Variants in CBFA2T3 observed in about 807,000 individuals in gnomAD.
The protein encoded by CBFA2T3 is transcriptional corepressor CBFA2T3.
CBFA2T3 carries 31 observed loss-of-function variants against 58.6 expected under a neutral mutation model. The observed-to-expected ratio is 0.53, with a 90% confidence interval of 0.40 to 0.71. The LOEUF is 0.71. Among genes scored for constraint, CBFA2T3 ranks in the 30% least tolerant of loss-of-function variants. The pLI is 0.00. For synonymous variants in CBFA2T3, 531 were observed against 421.9 expected, an observed-to-expected ratio of 1.26 and a Z score of -3.17; for missense variants, 1,076 against 963.1, an observed-to-expected ratio of 1.12 and a Z score of -1.55.
At chr16:88,916,363 T>C (rs1358754634) in intron 1 of CBFA2T3, among the ~76,000 whole-genome samples, 2 of 152,054 alleles carry the variant, frequency 1.3e-5, no homozygotes, top group Non-Finnish European at 2.9e-5. Context: ...TCCGTGTATA[T>C]GCACTTACAC....
At chr16:88,879,530 G>A (rs1215015615) in intron 10 of CBFA2T3, 70 bp from the exon 11 acceptor site, 45 of 1,431,562 alleles carry the variant, frequency 3.1e-5, no homozygotes, top group South Asian at 7.3e-5. Context: ...CTTCCTACGC[G>A]TGGCCACAAC....
At chr16:88,910,354 C>T (rs556189150) in intron 1 of CBFA2T3, among the ~76,000 whole-genome samples, 46 of 152,348 alleles carry the variant, frequency 3.0e-4, no homozygotes, top group African/African-American at 8.2e-4. Context: ...CCCGCCTGTC[C>T]TGCTCCTTCT....
At chr16:88,974,447 C>T (rs947985236) in intron 1 of CBFA2T3, among the ~76,000 whole-genome samples, 1 of 152,048 alleles carries the variant, frequency 6.6e-6, no homozygotes, top group Non-Finnish European at 1.5e-5. Flanking sequence ...TGATTGCTTA[C>T]ACCTCAGCCC....
chr16:88,954,136 A>C (rs1356814106), intron 1 of CBFA2T3, among the ~76,000 whole-genome samples: 1 of 152,084 alleles, frequency 6.6e-6, no homozygotes, highest in African/African-American at 2.4e-5. Context: ...ACCACTGACC[A>C]AGATAGCCCT....
chr16:88,976,839 G>T lies in CBFA2T3; in HGVS notation c.-32C>A, dbSNP rs200904066. 1.8e-4 allele frequency: 284 copies of T among 1,535,564 alleles called. No individual in the cohort carries two copies. The East Asian group carries it at 6.8e-3, about 37-fold the overall frequency. On this transcript the variant is annotated 5_prime_UTR_variant, in exon 1 of 12. Transcript: ENST00000268679. ...GGCCACCCTCAGGGGCCAACCTGGA[G>T]CCCAGGACAGGCCTCTACCAGGACT...
At chr16:88,911,100 G>A (rs879529900) in intron 1 of CBFA2T3, among the ~76,000 whole-genome samples, 1 of 152,256 alleles carries the variant, frequency 6.6e-6, no homozygotes, top group East Asian at 1.9e-4. Flanking sequence ...GGGACAAGGA[G>A]CCAAGTCCTA....
chr16:88,945,139 G>C (rs753628783), intron 1 of CBFA2T3, among the ~76,000 whole-genome samples: 1 of 152,112 alleles, frequency 6.6e-6, no homozygotes, highest in African/African-American at 2.4e-5. Flanking sequence ...AAAAATAAGC[G>C]GGTGGCTAAT....
intron 1 of CBFA2T3, among the ~76,000 whole-genome samples, chr16:88,916,629 C>T (rs530215732): frequency 9.8e-6 from 1 of 102,338 alleles, no homozygotes; most frequent in Non-Finnish European, 1.9e-5. Context: ...AAGGGCGGCC[C>T]CTGGGGAGAG....
intron 1 of CBFA2T3, among the ~76,000 whole-genome samples, chr16:88,973,086 G>C (rs1268110438): frequency 6.6e-6 from 1 of 152,218 alleles, no homozygotes; most frequent in Non-Finnish European, 1.5e-5. Flanking sequence ...TGAAGGAGGA[G>C]TCGGGCTGAG....
chr16:88,901,290 G>A (rs952451122), intron 2 of CBFA2T3, among the ~76,000 whole-genome samples: 1 of 152,210 alleles, frequency 6.6e-6, no homozygotes, highest in Non-Finnish European at 1.5e-5. Flanking sequence ...CAGGCCCCCC[G>A]GAGGGCAAGG....
chr16:88,945,309 C>T (rs981618137), intron 1 of CBFA2T3, among the ~76,000 whole-genome samples: 2 of 152,108 alleles, frequency 1.3e-5, no homozygotes, highest in Non-Finnish European at 2.9e-5. Flanking sequence ...AAAAATTTGG[C>T]AGGTTGGATT....
intron 1 of CBFA2T3, among the ~76,000 whole-genome samples, chr16:88,954,244 G>A (rs75416198): frequency 0.048 from 7,357 of 152,142 alleles, 205 homozygotes; most frequent in South Asian, 0.11. Context: ...ATGATAGGCC[G>A]GCCACCCATC....
chr16:88,875,593 C>T lies in CBFA2T3; in HGVS notation c.*1383G>A, dbSNP rs1379215202. 3.5e-5 allele frequency: 8 copies of T among 231,712 alleles called. No individual in the cohort carries two copies. The South Asian group carries it at 5.5e-4, about 16-fold the overall frequency. 14.4% of individuals were successfully genotyped at this position (231,712 alleles called of 1,614,324 possible). A position where few individuals can be genotyped will look rare whatever the true frequency, so the allele number is the denominator to read the frequency against. On this transcript the variant is annotated 3_prime_UTR_variant, in exon 12 of 12. Transcript: ENST00000268679. ...TGGGGCCGAGAGGTTGGAGTTGGGG[C>T]GATGGGGCTGAGAGAGGTCGGAGCT... is the stretch of plus-strand genomic sequence containing the variant.
chr16:88,877,031 G>C lies in CBFA2T3; in HGVS notation c.1907C>G (p.Pro636Arg). Residue 636 changes from proline (P) to arginine (R), a missense_variant, in exon 12 of 12, where the codon CCT becomes CGT. Physicochemically the swap from Pro to Arg is moderately radical, Grantham distance 103. Transcript: ENST00000268679. The stretch of plus-strand genomic sequence containing the variant: ...TGGGCTGGGGGAGCCGGGGCGAGAA[G>C]GCCCCGCAGAGCCGGCTTCGCTGGG... ...ASPSEAGSAG[P>R]SRPGSPSPPG... The C allele has an allele frequency of 6.7e-7, 1 of 1,496,826 alleles. No homozygotes were observed. The highest frequency in any genetic ancestry group is 2.5e-5 in the East Asian group (1 of 39,756). 92.7% of individuals were successfully genotyped at this position (1,496,826 alleles called of 1,614,324 possible).
At position 88,958,675 on chromosome 16, in the gene CBFA2T3, G is replaced by A. The variant is rs1351950220; in HGVS notation, c.151+17982C>T. 6.6e-6 allele frequency among the ~76,000 whole-genome samples: 1 copy of A among 152,088 alleles called. No homozygotes were observed. Among genetic ancestry groups the A allele is most frequent in the Non-Finnish European group, 1.5e-5 (1 of 67,992 alleles). On this transcript the variant is annotated intron_variant, in intron 1 of 11. Transcript: ENST00000268679. The surrounding 1 kb of genome is among the most constrained non-coding windows in gnomAD (Gnocchi z 4.0). ...ACTACCTTTGGAGGGAGACAAACTC[G>A]CTCCCCCAGGGCCGGGGGCTGGGGG... is the stretch of plus-strand genomic sequence containing the variant.
chr16:88,965,068 CATCT>C (rs942536977), intron 1 of CBFA2T3, among the ~76,000 whole-genome samples: 2 of 151,506 alleles, frequency 1.3e-5, no homozygotes, highest in Non-Finnish European at 2.9e-5. Flanking sequence ...CCCATCCATC[CATCT>C]ATCCACCCAC....
At chr16:88,889,885 G>A (rs1597675560) in intron 5 of CBFA2T3, among the ~76,000 whole-genome samples, 1 of 115,286 alleles carries the variant, frequency 8.7e-6, no homozygotes, top group East Asian at 2.7e-4. Flanking sequence ...ACGACGCCCC[G>A]CGATTCCTCC....
intron 11 of CBFA2T3, among the ~76,000 whole-genome samples, chr16:88,878,593 G>GGGCGCCTCA (rs1424167140): frequency 6.8e-4 from 103 of 152,332 alleles, no homozygotes; most frequent in African/African-American, 2.3e-3. Flanking sequence ...CGGGCGCCTC[G>GGGCGCCTCA]GACGCCACCT....
chr16:88,961,831 A>G (rs1270276321), intron 1 of CBFA2T3, among the ~76,000 whole-genome samples: 1 of 134,398 alleles, frequency 7.4e-6, no homozygotes, highest in Non-Finnish European at 1.6e-5. Flanking sequence ...ATAGTAACCG[A>G]CACTCAGCGC....
Sources: allele counts gnomAD v4.1 joint callset (sites outside exome capture counted in the v4.1 genomes callset), GRCh38; gene constraint gnomAD v4.1.1; non-coding constraint Gnocchi (gnomAD v3.1); transcripts MANE v1.5; gene names NCBI Gene and HGNC (gene_info 2026-07-23, HGNC 2026-07-21).